LEF1: variants seen among roughly 807,000 people sequenced by gnomAD.
LEF1 encodes the protein lymphoid enhancer binding factor 1, also known as lymphoid enhancer-binding factor 1.
A neutral mutation model predicts 51.2 loss-of-function variants in LEF1; 14 were observed. The observed-to-expected ratio is 0.27, with a 90% CI of 0.18 to 0.43. LEF1 has a LOEUF of 0.43. Ranked by LOEUF, LEF1 falls within the 20% of genes least tolerant of loss-of-function variation. The pLI is 1.00. For synonymous variants in LEF1, 185 were observed against 183.2 expected (o/e 1.01, Z -0.08); for missense variants, 386 against 512.0 (o/e 0.75, Z 2.37).
chr4:108,093,568 A>G (rs1049801630), intron 3 of LEF1, among the ~76,000 whole-genome samples: 1 of 152,068 alleles, frequency 6.6e-6, no homozygotes, highest in Non-Finnish European at 1.5e-5. Context: ...CAGCTTTACG[A>G]GATACCTGGC....
chr4:108,153,594 T>C (rs1744501166), intron 3 of LEF1, among the ~76,000 whole-genome samples: 1 of 152,240 alleles, frequency 6.6e-6, no homozygotes, highest in Admixed American at 6.5e-5. Flanking sequence ...TAAACATGTT[T>C]TTAAGATTAA....
chr4:108,100,215 G>T (rs1208516264), intron 3 of LEF1, among the ~76,000 whole-genome samples: 2 of 152,124 alleles, frequency 1.3e-5, no homozygotes, highest in Non-Finnish European at 2.9e-5. Context: ...CGTAAACTGG[G>T]TTCTATGTAA....
rs1560777037 is a variant in LEF1, at chr4:108,083,359, C to G, written c.635G>C (p.Gly212Ala). 1.2e-6 allele frequency: 2 copies of G among 1,607,430 alleles called. No individual in the cohort carries two copies. The highest frequency in any genetic ancestry group is 3.3e-5 in the Admixed American group (2 of 60,004). ...AAGGGTGCAGCAAGGTTCTTACCAGCCAAGAGGTGGGGTGATCTGTCCAAC... is the reference window on the plus strand; with the variant it reads ...AAGGGTGCAGCAAGGTTCTTACCAGGCAAGAGGTGGGGTGATCTGTCCAAC... ...GGVGQITPPL[G>A]WQGQPVYPIT... The change falls in exon 5 of 12, where the codon GGC becomes GCC. Residue 212 changes from glycine (G) to alanine (A), a missense_variant. Coordinates refer to ENST00000265165, the MANE Select transcript of LEF1 (RefSeq NM_016269.5).
intron 11 of LEF1, among the ~76,000 whole-genome samples, chr4:108,054,364 AC>A (rs1737191428): frequency 6.6e-6 from 1 of 152,208 alleles, no homozygotes; most frequent in African/African-American, 2.4e-5. Flanking sequence ...AGGATGGAGA[AC>A]TGGGGCTCAG....
chr4:108,137,952 A>G (rs1743402799), intron 3 of LEF1, among the ~76,000 whole-genome samples: 1 of 152,234 alleles, frequency 6.6e-6, no homozygotes, highest in African/African-American at 2.4e-5. Context: ...CTAGGGAAAA[A>G]TGTGAACTAT....
chr4:108,099,602 AT>A (rs1560789352), intron 3 of LEF1, among the ~76,000 whole-genome samples: 3 of 131,688 alleles, frequency 2.3e-5, no homozygotes, highest in Non-Finnish European at 3.3e-5. Flanking sequence ...ATATATATAT[AT>A]ATATATATAT....
Position 108,167,550 on chromosome 4 carries a change from C to T in LEF1, c.213+5G>A. On this transcript the variant is annotated splice_donor_5th_base_variant and intron_variant, in intron 1 of 11. Coordinates refer to ENST00000265165, the MANE Select transcript of LEF1 (RefSeq NM_016269.5). This position sits in a 1 kb window ranked among gnomAD's most constrained non-coding sequence, Gnocchi z 5.7. Reference sequence around the variant, plus strand: ...CTCTCGGAACTGGGGCAGCGGCCCGCTCACCTCGTGTCCGTTGCTGGCCGG... The same window carrying T: ...CTCTCGGAACTGGGGCAGCGGCCCGTTCACCTCGTGTCCGTTGCTGGCCGG... 1 of 1,613,852 alleles carries T rather than the reference C, an allele frequency of 6.2e-7. No individual in the cohort carries two copies. Among genetic ancestry groups the T allele is most frequent in the Non-Finnish European group, 8.5e-7 (1 of 1,179,824 alleles).
At chr4:108,059,107 T>C (rs1302981529) in intron 11 of LEF1, among the ~76,000 whole-genome samples, 2 of 152,214 alleles carry the variant, frequency 1.3e-5, no homozygotes, top group Non-Finnish European at 2.9e-5. Context: ...TGAGACCACA[T>C]TAATGGTAAT....
At chr4:108,095,645 G>T (rs1315201160) in intron 3 of LEF1, among the ~76,000 whole-genome samples, 3 of 152,186 alleles carry the variant, frequency 2.0e-5, no homozygotes, top group Non-Finnish European at 4.4e-5. Flanking sequence ...ACAACAGAAT[G>T]CTGGAAGGGC....
rs1425380732 is a variant in LEF1 at position 108,105,029 on chromosome 4, G to A, written c.415-15772C>T. ...GCAGACTCTAAAATCACAGGCATGA[G>A]CAAAAGTCTCTGTCATCAGGCCCAG... On this transcript the variant is annotated intron_variant, in intron 3 of 11. Coordinates refer to ENST00000265165, the MANE Select transcript of LEF1 (RefSeq NM_016269.5). Among the ~76,000 whole-genome samples the A allele has an allele frequency of 2.0e-5, 3 of 152,232 alleles. No homozygotes were observed. In the East Asian group the frequency reaches 5.8e-4, roughly 29 times the overall value.
At chr4:108,090,905 G>C (rs1739977057) in intron 3 of LEF1, among the ~76,000 whole-genome samples, 2 of 152,048 alleles carry the variant, frequency 1.3e-5, no homozygotes, top group Non-Finnish European at 2.9e-5. Context: ...TTATATACCT[G>C]TTAAAGGTGT....
chr4:108,098,132 T>C (rs1446351382), intron 3 of LEF1, among the ~76,000 whole-genome samples: 1 of 152,122 alleles, frequency 6.6e-6, no homozygotes, highest in Non-Finnish European at 1.5e-5. Context: ...GGGGACATGT[T>C]GGTTGAAAAG....
intron 3 of LEF1, among the ~76,000 whole-genome samples, chr4:108,121,912 AC>A (rs1325041592): frequency 3.9e-5 from 6 of 152,104 alleles, no homozygotes. Flanking sequence ...CTTTTCTTTG[AC>A]CTTTGAAGAG....
intron 8 of LEF1, among the ~76,000 whole-genome samples, chr4:108,073,601 T>TA (rs914211009): frequency 6.6e-6 from 1 of 152,266 alleles, no homozygotes; most frequent in South Asian, 2.1e-4. Flanking sequence ...TTACGTAACT[T>TA]ACAGTAGCTG....
At chr4:108,166,343 C>T (rs997597815) in intron 1 of LEF1, 2 of 1,519,308 alleles carry the variant, frequency 1.3e-6, no homozygotes, top group East Asian at 2.5e-5. Flanking sequence ...AAAATGTCCC[C>T]GCCCTCAAAA....
chr4:108,118,736 C>G (rs1284932956), intron 3 of LEF1, among the ~76,000 whole-genome samples: 1 of 152,138 alleles, frequency 6.6e-6, no homozygotes, highest in Non-Finnish European at 1.5e-5. Flanking sequence ...GAGATGGCCA[C>G]TGCAGCCTGC....
chr4:108,060,591 T>C (rs1053026851), intron 11 of LEF1, among the ~76,000 whole-genome samples: 1 of 152,078 alleles, frequency 6.6e-6, no homozygotes, highest in Non-Finnish European at 1.5e-5. Flanking sequence ...CAGGGCTCTG[T>C]TCCAGAACAG....
intron 3 of LEF1, among the ~76,000 whole-genome samples, chr4:108,096,720 AAGG>A (rs2110283803): frequency 6.6e-6 from 1 of 152,344 alleles, no homozygotes; most frequent in East Asian, 1.9e-4. Context: ...TAGAATATGT[AAGG>A]AGCTCAAACA....
intron 5 of LEF1, 52 bp from the exon 6 acceptor site, chr4:108,081,721 C>T (rs1037604079): frequency 1.5e-6 from 2 of 1,332,562 alleles, no homozygotes; most frequent in Non-Finnish European, 2.2e-6. Context: ...CAGTTACCAA[C>T]CAGTAGTAAG....
Sources: gnomAD v4.1 joint callset for allele counts (sites outside exome capture counted in the v4.1 genomes callset) on GRCh38, gnomAD v4.1.1 for gene constraint, Gnocchi (gnomAD v3.1) non-coding constraint, MANE v1.5 for transcripts, NCBI Gene and HGNC (gene_info 2026-07-23, HGNC 2026-07-21) for gene names.